Variants in GRM8 observed in about 807,000 individuals in gnomAD.
The protein encoded by GRM8 is glutamate metabotropic receptor 8, also known as metabotropic glutamate receptor 8.
GRM8 carries 47 observed loss-of-function variants against 87.2 expected under a neutral mutation model. The observed-to-expected ratio is 0.54, with a 90% CI of 0.43 to 0.69. The LOEUF is 0.69. Ranked by LOEUF, GRM8 falls within the 30% of genes least tolerant of loss-of-function variation. The pLI, the probability that GRM8 is intolerant of heterozygous loss-of-function variation, is 0.00. For synonymous variants in GRM8, 396 were observed against 404.5 expected (o/e 0.98, Z 0.25); for missense variants, 1,019 against 1,139.2 (o/e 0.89, Z 1.52).
chr7:126,484,461 C>G (rs903964253), intron 9 of GRM8, among the ~76,000 whole-genome samples: 11 of 151,946 alleles, frequency 7.2e-5, no homozygotes, highest in South Asian at 2.1e-4. Flanking sequence ...GCTCATCTAT[C>G]ATTTCTGTAG....
chr7:126,600,027 T>C (rs532301357), intron 8 of GRM8, among the ~76,000 whole-genome samples: 2 of 152,292 alleles, frequency 1.3e-5, no homozygotes, highest in East Asian at 3.9e-4. Flanking sequence ...ATTTTGACCA[T>C]TAAAAGAATT....
At position 126,857,100 on chromosome 7, in the gene GRM8, A is replaced by G. The variant is rs1341615591; in HGVS notation, c.1156+45442T>C. Among the ~76,000 whole-genome samples the G allele has an allele frequency of 3.3e-5, 5 of 152,344 alleles. No individual in the cohort carries two copies. The East Asian group carries it at 9.6e-4, about 29-fold the overall frequency. On this transcript the variant is annotated intron_variant, in intron 6 of 10. Transcript: ENST00000339582. ...GATCTTTACGCAAAGGATCTTAAAA[A>G]TTGACATAATTACTCACTAGAGAAA...
intron 6 of GRM8, among the ~76,000 whole-genome samples, chr7:126,831,455 T>C (rs1795361889): frequency 6.6e-6 from 1 of 152,200 alleles, no homozygotes; most frequent in African/African-American, 2.4e-5. Context: ...GACCTCAGAT[T>C]GCTGTGCTAG....
At chr7:126,642,662 T>C (rs1585334322) in intron 7 of GRM8, among the ~76,000 whole-genome samples, 1 of 151,572 alleles carries the variant, frequency 6.6e-6, no homozygotes, top group Non-Finnish European at 1.5e-5. Flanking sequence ...ATAATAACAA[T>C]AATAATAATA....
intron 3 of GRM8, among the ~76,000 whole-genome samples, chr7:127,052,488 A>G (rs544894376): frequency 2.0e-5 from 3 of 152,200 alleles, no homozygotes; most frequent in Non-Finnish European, 4.4e-5. Context: ...GATATATTTT[A>G]AGACAAAGAG....
At chr7:127,220,773 G>A (rs891354028) in intron 2 of GRM8, among the ~76,000 whole-genome samples, 16 of 152,174 alleles carry the variant, frequency 1.1e-4, no homozygotes, top group African/African-American at 3.6e-4. Context: ...ACAGGTGTCA[G>A]CCACTGTGCC....
Position 126,621,992 on chromosome 7 carries a change from A to ATTTTCTTGCGC in GRM8, c.1358-12495_1358-12494insGCGCAAGAAAA, listed in dbSNP as rs539979461. On this transcript the variant is annotated intron_variant, in intron 7 of 10. Coordinates refer to ENST00000339582, the MANE Select transcript of GRM8 (RefSeq NM_000845.3). The stretch of plus-strand genomic sequence containing the variant: ...ATGATCTTTCTAGGGAATACCCTCT[A>ATTTTCTTGCGC]TTCTCTTGCGCTTCTCTCTGTCCAG... Among the ~76,000 whole-genome samples the ATTTTCTTGCGC allele has an allele frequency of 1.4e-4, 21 of 152,180 alleles. No homozygotes were observed. In the East Asian group the frequency reaches 4.1e-3, roughly 29 times the overall value.
At chr7:126,488,479 C>T (rs1201982458) in intron 9 of GRM8, among the ~76,000 whole-genome samples, 1 of 151,914 alleles carries the variant, frequency 6.6e-6, no homozygotes. Context: ...ACCTAACATC[C>T]ATCCACAATC....
At chr7:127,073,760 G>A (rs1201314781) in intron 3 of GRM8, among the ~76,000 whole-genome samples, 1 of 152,188 alleles carries the variant, frequency 6.6e-6, no homozygotes, top group Non-Finnish European at 1.5e-5. Flanking sequence ...CTCGAAGAGA[G>A]ACCCAGCCCC....
At chr7:126,682,852 C>A (rs1447860400) in intron 7 of GRM8, among the ~76,000 whole-genome samples, 1 of 152,160 alleles carries the variant, frequency 6.6e-6, no homozygotes, top group Admixed American at 6.5e-5. Flanking sequence ...AGTTTGAGAC[C>A]AGCCTGGCCA....
intron 3 of GRM8, among the ~76,000 whole-genome samples, chr7:127,037,133 T>C (rs1057410962): frequency 1.3e-5 from 2 of 152,194 alleles, no homozygotes; most frequent in African/African-American, 4.8e-5. Flanking sequence ...TTTTACATGA[T>C]GGTGAAATGG....
chr7:127,025,122 G>C (rs986107915), intron 3 of GRM8, among the ~76,000 whole-genome samples: 1 of 152,112 alleles, frequency 6.6e-6, no homozygotes, highest in African/African-American at 2.4e-5. Flanking sequence ...TTGAGCCTAA[G>C]AGCAGTCCCA....
intron 2 of GRM8, among the ~76,000 whole-genome samples, chr7:127,113,102 AC>A (rs1251240295): frequency 6.6e-6 from 1 of 152,190 alleles, no homozygotes; most frequent in Non-Finnish European, 1.5e-5. Flanking sequence ...GGGATCAGAG[AC>A]TTTTAGATAC....
intron 2 of GRM8, 95 bp from the exon 3 acceptor site, chr7:127,106,807 C>A (rs1175406232): frequency 5.8e-6 from 5 of 861,300 alleles, no homozygotes; most frequent in Non-Finnish European, 7.7e-6. Flanking sequence ...ATACCAGAAA[C>A]CTAGACATAT....
At chr7:127,094,653 T>C (rs1217173640) in intron 3 of GRM8, among the ~76,000 whole-genome samples, 3 of 152,204 alleles carry the variant, frequency 2.0e-5, no homozygotes, top group African/African-American at 4.8e-5. Flanking sequence ...ATCTCAGGTT[T>C]CTGGCTCCCA....
At chr7:127,013,517 T>TGGAGATG (rs1815098347) in intron 3 of GRM8, among the ~76,000 whole-genome samples, 1 of 46,840 alleles carries the variant, frequency 2.1e-5, no homozygotes, top group Non-Finnish European at 3.6e-5. Flanking sequence ...GGCTCTCTGG[T>TGGAGATG]GGGGATGGGG....
chr7:126,903,296 C>A (rs1802281312), intron 5 of GRM8, among the ~76,000 whole-genome samples: 1 of 152,064 alleles, frequency 6.6e-6, no homozygotes, highest in Non-Finnish European at 1.5e-5. Flanking sequence ...CACTGTCAAA[C>A]CGACTGGAAA....
intron 8 of GRM8, among the ~76,000 whole-genome samples, chr7:126,595,324 C>T (rs369197016): frequency 6.6e-6 from 1 of 151,716 alleles, no homozygotes; most frequent in Non-Finnish European, 1.5e-5. Context: ...CTCCCCTTCC[C>T]CAGTAGCTGG....
intron 3 of GRM8, among the ~76,000 whole-genome samples, chr7:126,935,902 C>T (rs993676957): frequency 1.5e-4 from 23 of 152,136 alleles, no homozygotes; most frequent in Admixed American, 5.2e-4. Context: ...AAAGCAGTTT[C>T]GTCTATAGGT....
Sources: gnomAD v4.1 joint callset for allele counts (sites outside exome capture counted in the v4.1 genomes callset) on GRCh38, gnomAD v4.1.1 for gene constraint, MANE v1.5 for transcripts, NCBI Gene and HGNC (gene_info 2026-07-23, HGNC 2026-07-21) for gene names.